Variants in ZMIZ1 observed in about 807,000 individuals in gnomAD.
ZMIZ1 encodes the protein zinc finger MIZ domain-containing protein 1.
Under a neutral mutation model 113.9 loss-of-function variants are expected in ZMIZ1, and 17 were observed. The ratio of observed to expected loss-of-function variants is 0.15; its 90% CI spans 0.10 to 0.22. ZMIZ1 has a LOEUF of 0.22. ZMIZ1 is among the 10% of genes least tolerant of loss of function. The pLI is 1.00. For missense variants in ZMIZ1, 1,059 were observed against 1,477.8 expected, an observed-to-expected ratio of 0.72 and a Z score of 4.65; for synonymous variants, 607 against 603.1, an observed-to-expected ratio of 1.01 and a Z score of -0.09.
intron 1 of ZMIZ1, among the ~76,000 whole-genome samples, chr10:79,080,547 G>A (rs1461278587): frequency 6.6e-6 from 1 of 152,132 alleles, no homozygotes; most frequent in Non-Finnish European, 1.5e-5. Flanking sequence ...GACCTCAGGT[G>A]ATCCGCCCGC....
At chr10:79,113,417 AGGG>A (rs1843836326) in intron 1 of ZMIZ1, among the ~76,000 whole-genome samples, 1 of 152,166 alleles carries the variant, frequency 6.6e-6, no homozygotes, top group Non-Finnish European at 1.5e-5. Context: ...CCGGGCAGCT[AGGG>A]TGAACCCCAA....
At chr10:79,079,483 T>C (rs1436351275) in intron 1 of ZMIZ1, among the ~76,000 whole-genome samples, 1 of 152,248 alleles carries the variant, frequency 6.6e-6, no homozygotes, top group East Asian at 1.9e-4. Context: ...TCTCCCCCTC[T>C]TCCATTCCAC....
chr10:79,218,603 G>C lies in ZMIZ1; in HGVS notation c.280+2329G>C, dbSNP rs546621179. 3.0e-3 allele frequency among the ~76,000 whole-genome samples: 460 copies of C among 151,848 alleles called. 3 individuals are homozygous for C. The highest frequency in any genetic ancestry group is 0.014 in the Middle Eastern group (4 of 294). ...TAGAGGGGTGTGTGTGTGTGTGTGT[G>C]TGTCTGTCTGTCTGTCTGTGTAAGC... On this transcript the variant is annotated intron_variant, in intron 7 of 24. Coordinates refer to ENST00000334512, the MANE Select transcript of ZMIZ1 (RefSeq NM_020338.4).
At chr10:79,126,731 C>T (rs564408383) in intron 2 of ZMIZ1, among the ~76,000 whole-genome samples, 1 of 152,340 alleles carries the variant, frequency 6.6e-6, no homozygotes, top group African/African-American at 2.4e-5. Context: ...CTCAGTTTCC[C>T]TTTTATCTCC....
chr10:79,116,658 A>C (rs1844044892), intron 1 of ZMIZ1, among the ~76,000 whole-genome samples: 1 of 152,194 alleles, frequency 6.6e-6, no homozygotes, highest in Non-Finnish European at 1.5e-5. Flanking sequence ...AAAGCCACGG[A>C]AAGATTTGTC....
At chr10:79,163,632 T>G (rs919355131) in intron 4 of ZMIZ1, among the ~76,000 whole-genome samples, 31 of 152,330 alleles carry the variant, frequency 2.0e-4, no homozygotes, top group African/African-American at 7.5e-4. Flanking sequence ...AGTGCTGGAA[T>G]GGGGATTTGA....
At chr10:79,158,114 T>A (rs1363316826) in intron 3 of ZMIZ1, among the ~76,000 whole-genome samples, 1 of 152,168 alleles carries the variant, frequency 6.6e-6, no homozygotes, top group African/African-American at 2.4e-5. Flanking sequence ...TTACCCTGAT[T>A]TGGATGGGCA....
At chr10:79,300,327 C>T (rs117910634) in intron 16 of ZMIZ1, among the ~76,000 whole-genome samples, 3,542 of 152,256 alleles carry the variant, frequency 0.023, 70 homozygotes, top group Middle Eastern at 0.048. Context: ...CAGAAATGGC[C>T]GTGGCCTGGG....
intron 7 of ZMIZ1, among the ~76,000 whole-genome samples, chr10:79,273,178 C>T (rs1470420410): frequency 6.6e-6 from 1 of 152,206 alleles, no homozygotes; most frequent in African/African-American, 2.4e-5. Flanking sequence ...AGAGATCTTG[C>T]TGGAGGAGAG....
intron 1 of ZMIZ1, among the ~76,000 whole-genome samples, chr10:79,109,122 C>T (rs1843651407): frequency 6.6e-6 from 1 of 152,162 alleles, no homozygotes; most frequent in Non-Finnish European, 1.5e-5. Context: ...ATCCATGTGC[C>T]TATGTCCTCT....
At chr10:79,117,532 G>A (rs1844097748) in intron 1 of ZMIZ1, among the ~76,000 whole-genome samples, 1 of 152,228 alleles carries the variant, frequency 6.6e-6, no homozygotes, top group Admixed American at 6.5e-5. Flanking sequence ...TTCTATGGTT[G>A]GTGGCCATCT....
intron 4 of ZMIZ1, among the ~76,000 whole-genome samples, chr10:79,168,179 G>A (rs1203634371): frequency 6.6e-6 from 1 of 152,228 alleles, no homozygotes; most frequent in Non-Finnish European, 1.5e-5. Context: ...GTTTGCCTCT[G>A]CTCAGGCAGT....
chr10:79,081,597 G>A (rs139751901), intron 1 of ZMIZ1, among the ~76,000 whole-genome samples: 16 of 152,308 alleles, frequency 1.1e-4, no homozygotes, highest in African/African-American at 3.8e-4. Flanking sequence ...AGGTAGCCAG[G>A]GGCTGTGAAT....
At position 79,313,902 on chromosome 10, in the gene ZMIZ1, G is replaced by A; in HGVS notation, c.*1153G>A. 2.6e-6 allele frequency: 1 copy of A among 388,604 alleles called. No homozygotes were observed. Among genetic ancestry groups the A allele is most frequent in the Non-Finnish European group, 5.2e-6 (1 of 193,202 alleles). The allele number at this position is 388,604 out of a possible 1,614,324, so 24.1% of individuals were successfully genotyped here. The stretch of plus-strand genomic sequence containing the variant: ...GGGAGGTGCAGAAACCAGAGCCCAG[G>A]GCAATGGTGTCTGTCCAGCCCCTCC... On this transcript the variant is annotated 3_prime_UTR_variant, in exon 25 of 25. Transcript: ENST00000334512.
At chr10:79,288,906 G>A (rs1331798667) in intron 8 of ZMIZ1, among the ~76,000 whole-genome samples, 1 of 152,230 alleles carries the variant, frequency 6.6e-6, no homozygotes, top group African/African-American at 2.4e-5. Flanking sequence ...AACGTGGTGG[G>A]TACTGCTGGA....
intron 1 of ZMIZ1, among the ~76,000 whole-genome samples, chr10:79,080,994 G>T (rs1022842818): frequency 2.6e-5 from 4 of 152,132 alleles, no homozygotes; most frequent in Admixed American, 2.0e-4. Flanking sequence ...TCTGATGCCT[G>T]TCATACGGAT....
intron 23 of ZMIZ1, among the ~76,000 whole-genome samples, chr10:79,310,393 G>A (rs1036641171): frequency 1.3e-5 from 2 of 152,168 alleles, no homozygotes; most frequent in Non-Finnish European, 2.9e-5. Flanking sequence ...AGGCGCCTTC[G>A]TACCCAGCAT....
intron 7 of ZMIZ1, among the ~76,000 whole-genome samples, chr10:79,218,271 C>T (rs933628779): frequency 3.3e-5 from 5 of 152,166 alleles, no homozygotes; most frequent in South Asian, 4.1e-4. Context: ...TTCAGTAGTT[C>T]GAGACCAGCC....
At chr10:79,073,081 A>G (rs1223252478) in intron 1 of ZMIZ1, among the ~76,000 whole-genome samples, 8 of 152,146 alleles carry the variant, frequency 5.3e-5, no homozygotes, top group African/African-American at 1.9e-4. Flanking sequence ...CATGATTGAG[A>G]GGGTCTCCCT....
Sources: gnomAD v4.1 joint callset for allele counts (sites outside exome capture counted in the v4.1 genomes callset) on GRCh38, gnomAD v4.1.1 for gene constraint, MANE v1.5 for transcripts, NCBI Gene and HGNC (gene_info 2026-07-23, HGNC 2026-07-21) for gene names.